Variants in LRRTM4 observed in about 807,000 individuals in gnomAD.
LRRTM4 encodes leucine rich repeat transmembrane neuronal 4.
In LRRTM4, 25 loss-of-function variants were observed where a neutral mutation model predicts 47.6. The ratio of observed to expected loss-of-function variants is 0.53; its 90% confidence interval spans 0.38 to 0.73. The LOEUF (loss-of-function observed/expected upper bound fraction) is 0.73. Among genes scored for constraint, LRRTM4 ranks in the 30% least tolerant of loss-of-function variants. The pLI is 0.00. For synonymous variants in LRRTM4, 311 were observed against 269.5 expected, an observed-to-expected ratio of 1.15 and a Z score of -1.51; for missense variants, 638 against 713.4, an observed-to-expected ratio of 0.89 and a Z score of 1.20.
rs1236162692 is a variant in LRRTM4, at chr2:77,049,172, AC to A, written c.1552-300257del. Among the ~76,000 whole-genome samples, 8 of 141,786 alleles carry A rather than the reference AC, an allele frequency of 5.6e-5. No homozygotes were observed. The South Asian group carries it at 6.7e-4, about 12-fold the overall frequency. The allele number at this position is 141,786 out of a possible 152,430, so 93.0% of individuals were successfully genotyped here. Reference sequence around the variant, plus strand: ...TATATATATATACACACACACACACACCACATTTTCTTTATCCATTCATCTA... The same window carrying A: ...TATATATATATACACACACACACACACACATTTTCTTTATCCATTCATCTA... On this transcript the variant is annotated intron_variant, in intron 3 of 3. Transcript: ENST00000409884.
At chr2:77,206,185 T>C (rs1674120768) in intron 3 of LRRTM4, among the ~76,000 whole-genome samples, 1 of 149,966 alleles carries the variant, frequency 6.7e-6, no homozygotes, top group Non-Finnish European at 1.5e-5. Context: ...TTCTATTTTT[T>C]TTTTTTTTTT....
chr2:76,800,789 C>T lies in LRRTM4; in HGVS notation c.1552-51873G>A, dbSNP rs1479731370. Among the ~76,000 whole-genome samples, 32 of 139,302 alleles carry T rather than the reference C, an allele frequency of 2.3e-4. 2 individuals are homozygous for T. Among genetic ancestry groups the T allele is most frequent in the South Asian group, 1.4e-3 (6 of 4,236 alleles). 91.4% of individuals were successfully genotyped at this position (139,302 alleles called of 152,430 possible). The stretch of plus-strand genomic sequence containing the variant: ...ACAAACAACCCCATCAAAAAGTGGG[C>T]GAAGGACATGAACAGACACTTCTCA... On this transcript the variant is annotated intron_variant, in intron 3 of 3. Coordinates refer to ENST00000409884, the MANE Select transcript of LRRTM4 (RefSeq NM_001134745.3).
chr2:77,388,894 T>C (rs1316476560), intron 3 of LRRTM4, among the ~76,000 whole-genome samples: 1 of 152,050 alleles, frequency 6.6e-6, no homozygotes, highest in Non-Finnish European at 1.5e-5. Context: ...TCATATATAA[T>C]GCAAGTATTC....
chr2:76,775,273 A>G (rs572358872), intron 3 of LRRTM4, among the ~76,000 whole-genome samples: 8 of 152,304 alleles, frequency 5.3e-5, no homozygotes, highest in African/African-American at 9.6e-5. Flanking sequence ...ATAATGTTCA[A>G]TCATGGTTAT....
chr2:77,375,124 G>A (rs1672786600), intron 3 of LRRTM4, among the ~76,000 whole-genome samples: 1 of 151,344 alleles, frequency 6.6e-6, no homozygotes, highest in Non-Finnish European at 1.5e-5. Flanking sequence ...TCACCCATCA[G>A]TGAGAGTTTA....
intron 3 of LRRTM4, among the ~76,000 whole-genome samples, chr2:76,811,286 A>T (rs1304094311): frequency 6.6e-6 from 1 of 152,202 alleles, no homozygotes; most frequent in African/African-American, 2.4e-5. Context: ...GAAAAAATAA[A>T]CATTAGCACC....
intron 3 of LRRTM4, among the ~76,000 whole-genome samples, chr2:76,768,302 C>A (rs1673536456): frequency 6.6e-6 from 1 of 152,130 alleles, no homozygotes; most frequent in Non-Finnish European, 1.5e-5. Context: ...CTATTTTTCA[C>A]AACAAATACA....
intron 3 of LRRTM4, among the ~76,000 whole-genome samples, chr2:77,044,587 T>A (rs1253962280): frequency 2.0e-5 from 3 of 151,254 alleles, no homozygotes; most frequent in Admixed American, 6.6e-5. Flanking sequence ...AAAGGGAGGA[T>A]TTAGTGGGAG....
chr2:77,198,285 C>T (rs1448260225), intron 3 of LRRTM4, among the ~76,000 whole-genome samples: 1 of 152,144 alleles, frequency 6.6e-6, no homozygotes, highest in Non-Finnish European at 1.5e-5. Context: ...TACCTTCCAC[C>T]ACTTACTGGC....
At chr2:77,055,383 A>G (rs1679568465) in intron 3 of LRRTM4, among the ~76,000 whole-genome samples, 1 of 152,222 alleles carries the variant, frequency 6.6e-6, no homozygotes, top group South Asian at 2.1e-4. Flanking sequence ...CATGAAGGAC[A>G]TGAACAGACA....
chr2:77,091,852 G>A (rs562885326), intron 3 of LRRTM4, among the ~76,000 whole-genome samples: 38 of 145,744 alleles, frequency 2.6e-4, no homozygotes, highest in Admixed American at 1.4e-3. Flanking sequence ...TGCCAATCGT[G>A]TCCAACTGAT....
intron 3 of LRRTM4, among the ~76,000 whole-genome samples, chr2:77,444,646 T>A (rs1675978614): frequency 6.6e-6 from 1 of 152,002 alleles, no homozygotes; most frequent in South Asian, 2.1e-4. Context: ...AAAGTAAAAT[T>A]TAAAAATATA....
chr2:77,461,555 A>G (rs1676789864), intron 3 of LRRTM4, among the ~76,000 whole-genome samples: 1 of 152,144 alleles, frequency 6.6e-6, no homozygotes, highest in Non-Finnish European at 1.5e-5. Context: ...ACAAAACTGT[A>G]AAGTAATCAT....
intron 3 of LRRTM4, among the ~76,000 whole-genome samples, chr2:77,198,182 T>C (rs934489985): frequency 9.2e-5 from 14 of 152,202 alleles, no homozygotes; most frequent in Admixed American, 3.9e-4. Flanking sequence ...AGGTTTCATC[T>C]TTATAGCCTC....
chr2:76,899,708 C>T (rs149215834), intron 3 of LRRTM4, among the ~76,000 whole-genome samples: 61 of 152,078 alleles, frequency 4.0e-4, no homozygotes, highest in Non-Finnish European at 7.1e-4. Flanking sequence ...GACTTTATTA[C>T]GTATGCATTT....
At chr2:77,088,974 T>C (rs1680827057) in intron 3 of LRRTM4, among the ~76,000 whole-genome samples, 3 of 152,080 alleles carry the variant, frequency 2.0e-5, no homozygotes, top group Non-Finnish European at 1.5e-5. Flanking sequence ...ACACGTTTTA[T>C]CCGTGGACCC....
At chr2:77,467,677 T>A (rs886693508) in intron 3 of LRRTM4, among the ~76,000 whole-genome samples, 3 of 152,188 alleles carry the variant, frequency 2.0e-5, no homozygotes, top group Non-Finnish European at 4.4e-5. Flanking sequence ...ATTGAGTTCA[T>A]ACGTAATGTT....
intron 3 of LRRTM4, among the ~76,000 whole-genome samples, chr2:77,289,585 T>C (rs1187503714): frequency 1.3e-5 from 2 of 151,960 alleles, no homozygotes; most frequent in Admixed American, 1.3e-4. Flanking sequence ...AATATGTTAG[T>C]GGTTTTTTTT....
At chr2:76,903,740 C>T (rs781480499) in intron 3 of LRRTM4, among the ~76,000 whole-genome samples, 1 of 152,028 alleles carries the variant, frequency 6.6e-6, no homozygotes, top group Non-Finnish European at 1.5e-5. Context: ...TTATTACAAA[C>T]AAATCATGGA....
Sources: gnomAD v4.1 joint callset for allele counts (sites outside exome capture counted in the v4.1 genomes callset) on GRCh38, gnomAD v4.1.1 for gene constraint, MANE v1.5 for transcripts, NCBI Gene and HGNC (gene_info 2026-07-23, HGNC 2026-07-21) for gene names.